Variants in ABRACL observed in about 807,000 individuals in gnomAD.
The protein encoded by ABRACL is costars family protein ABRACL.
In ABRACL, 4 loss-of-function variants were observed where a neutral mutation model predicts 7.0. The observed-to-expected ratio is 0.57, with a 90% CI of 0.28 to 1.30. The LOEUF (loss-of-function observed/expected upper bound fraction) is 1.30, where lower values mean the gene tolerates loss of function less well. ABRACL is among the 50% of genes most tolerant of loss of function. The pLI, the probability that ABRACL is intolerant of heterozygous loss-of-function variation, is 0.10. For missense variants in ABRACL, 104 were observed against 97.3 expected (o/e 1.07, Z -0.29); for synonymous variants, 30 against 36.0 (o/e 0.83, Z 0.60).
intron 2 of ABRACL, 32 bp downstream of exon 2, chr6:139,034,253 C>G (rs1406364148): frequency 6.2e-7 from 1 of 1,614,190 alleles, no homozygotes; most frequent in Non-Finnish European, 8.5e-7. Context: ...AGTATTTCTC[C>G]TGGCTTTACC....
chr6:139,034,271 A>C (rs1333101668), intron 2 of ABRACL, 50 bp downstream of exon 2: 6 of 1,614,196 alleles, frequency 3.7e-6, no homozygotes, highest in Non-Finnish European at 5.1e-6. Flanking sequence ...ACCTTGGAAC[A>C]GGTGAGACTG....
intron 1 of ABRACL, among the ~76,000 whole-genome samples, chr6:139,029,569 G>T (rs145151871): frequency 0.011 from 1,626 of 152,224 alleles, 17 homozygotes; most frequent in Middle Eastern, 0.017. Flanking sequence ...CCAGCCCCGC[G>T]CTCCCCAGCC....
intron 1 of ABRACL, among the ~76,000 whole-genome samples, chr6:139,030,130 C>G (rs1191216696): frequency 1.3e-5 from 2 of 151,918 alleles, no homozygotes; most frequent in African/African-American, 4.8e-5. Context: ...TTTAGACTTG[C>G]TCTGCTTCTC....
rs1235029520 is a variant in ABRACL, at chr6:139,032,951, G to C, written c.-6-1204G>C. On this transcript the variant is annotated intron_variant, in intron 1 of 2. Transcript: ENST00000367660. The stretch of plus-strand genomic sequence containing the variant: ...GCAGAGGGGAGCTTACCCTGTAGAA[G>C]TGAAAGTCCAGAAATGTAATTCCAA... 2.6e-5 allele frequency among the ~76,000 whole-genome samples: 4 copies of C among 152,256 alleles called. No individual in the cohort carries two copies. In the East Asian group the frequency reaches 7.7e-4, roughly 29 times the overall value.
intron 2 of ABRACL, 23 bp from the exon 3 acceptor site, chr6:139,042,696 A>G: frequency 6.3e-7 from 1 of 1,595,734 alleles, no homozygotes; most frequent in Non-Finnish European, 8.5e-7. Flanking sequence ...TGCATTTGCT[A>G]ACAATGTATT....
At chr6:139,035,941 G>C (rs1018248123) in intron 2 of ABRACL, among the ~76,000 whole-genome samples, 1 of 147,956 alleles carries the variant, frequency 6.8e-6, no homozygotes, top group Non-Finnish European at 1.5e-5. Flanking sequence ...CTCTACTAAA[G>C]ATACAGAAAA....
intron 1 of ABRACL, among the ~76,000 whole-genome samples, chr6:139,033,908 A>C (rs1015047953): frequency 1.3e-5 from 2 of 152,090 alleles, no homozygotes; most frequent in African/African-American, 4.8e-5. Flanking sequence ...GTGCAAGGAG[A>C]ATGGCTGTAT....
intron 1 of ABRACL, among the ~76,000 whole-genome samples, chr6:139,029,249 C>A (rs1397860947): frequency 6.6e-6 from 1 of 152,068 alleles, no homozygotes. Context: ...GGGCTGGGGG[C>A]GAGAGGAGAG....
Position 139,031,046 on chromosome 6 carries a change from C to G in ABRACL, c.-7+2171C>G, listed in dbSNP as rs1786075437. ...GCTCATTATTCAATGAGAGCTAAGT[C>G]TGAAGTATGTTGCTGGAGGTGGGAG... is the stretch of plus-strand genomic sequence containing the variant. On this transcript the variant is annotated intron_variant, in intron 1 of 2. Coordinates refer to ENST00000367660, the MANE Select transcript of ABRACL (RefSeq NM_021243.3). 2.6e-5 allele frequency among the ~76,000 whole-genome samples: 4 copies of G among 152,286 alleles called. No individual in the cohort carries two copies. The South Asian group carries it at 8.3e-4, about 32-fold the overall frequency.
chr6:139,031,997 G>T (rs1387051030), intron 1 of ABRACL, among the ~76,000 whole-genome samples: 1 of 148,284 alleles, frequency 6.7e-6, no homozygotes, highest in African/African-American at 2.5e-5. Flanking sequence ...GTCTCGCTCT[G>T]TCGCCCAGGT....
chr6:139,035,328 G>A (rs1175800082), intron 2 of ABRACL, among the ~76,000 whole-genome samples: 1 of 152,104 alleles, frequency 6.6e-6, no homozygotes, highest in Non-Finnish European at 1.5e-5. Context: ...GGTGTTGGCC[G>A]GGGACTCCTT....
intron 2 of ABRACL, among the ~76,000 whole-genome samples, chr6:139,035,967 G>A (rs1408107241): frequency 2.0e-5 from 3 of 150,594 alleles, no homozygotes; most frequent in Admixed American, 1.3e-4. Flanking sequence ...AGCCAGGCAT[G>A]CTGGCATGTG....
chr6:139,034,443 A>T (rs6905593), intron 2 of ABRACL: 755,902 of 1,466,810 alleles, frequency 0.52, 202,183 homozygotes, highest in Non-Finnish European at 0.55. Context: ...AATAGTTGAG[A>T]TATTTCATTA....
intron 1 of ABRACL, among the ~76,000 whole-genome samples, chr6:139,031,676 C>G (rs1164930089): frequency 6.6e-6 from 1 of 152,130 alleles, no homozygotes; most frequent in African/African-American, 2.4e-5. Flanking sequence ...TATCATAGAA[C>G]CCAGTGAAAG....
intron 2 of ABRACL, among the ~76,000 whole-genome samples, chr6:139,035,861 G>A (rs1328626045): frequency 1.3e-5 from 2 of 150,592 alleles, no homozygotes. Context: ...CAGCACTTTG[G>A]GAGGCTGAGG....
At chr6:139,037,513 A>G (rs1478589463) in intron 2 of ABRACL, among the ~76,000 whole-genome samples, 2 of 152,090 alleles carry the variant, frequency 1.3e-5, no homozygotes, top group African/African-American at 4.8e-5. Flanking sequence ...CGCCTGCCTC[A>G]GCCTCCCAAA....
intron 1 of ABRACL, among the ~76,000 whole-genome samples, chr6:139,030,568 T>A (rs1231123332): frequency 6.6e-6 from 1 of 152,212 alleles, no homozygotes. Flanking sequence ...AAATAAAACG[T>A]CAAATTATGT....
intron 2 of ABRACL, chr6:139,034,483 T>C (rs544292354): frequency 2.2e-6 from 3 of 1,387,918 alleles, no homozygotes; most frequent in Admixed American, 2.9e-5. Flanking sequence ...TTACCAAGCT[T>C]CTTGTATTTG....
rs192067705 is a variant in ABRACL at position 139,039,874 on chromosome 6, G to A, written c.62-2845G>A. On this transcript the variant is annotated intron_variant, in intron 2 of 2. Transcript: ENST00000367660. Reference sequence around the variant, plus strand: ...CACCTGTAATCCCAGCACTTTGGGAGGCCAAGGCGGGAGGATTGTTTGAGC... The same window carrying A: ...CACCTGTAATCCCAGCACTTTGGGAAGCCAAGGCGGGAGGATTGTTTGAGC... Among the ~76,000 whole-genome samples the A allele has an allele frequency of 2.4e-3, 360 of 152,268 alleles. 1 individual carries two copies. Among genetic ancestry groups the A allele is most frequent in the African/African-American group, 8.3e-3 (344 of 41,542 alleles).
Sources: allele counts gnomAD v4.1 joint callset (sites outside exome capture counted in the v4.1 genomes callset), GRCh38; gene constraint gnomAD v4.1.1; transcripts MANE v1.5; gene names NCBI Gene and HGNC (gene_info 2026-07-23, HGNC 2026-07-21).